USP47: variants seen among roughly 807,000 people sequenced by gnomAD.
USP47 encodes the protein ubiquitin carboxyl-terminal hydrolase 47.
USP47 carries 35 observed loss-of-function variants against 165.1 expected under a neutral mutation model. The ratio of observed to expected loss-of-function variants is 0.21; its 90% confidence interval spans 0.16 to 0.28. USP47 has a LOEUF of 0.28. Among genes scored for constraint, USP47 ranks in the 10% least tolerant of loss-of-function variants. The probability of loss-of-function intolerance (pLI) is 1.00; values close to 1 mark genes in which losing one functional copy is unlikely to be tolerated. For synonymous variants in USP47, 531 were observed against 544.5 expected (o/e 0.98, Z 0.35); for missense variants, 1,277 against 1,607.4 (o/e 0.79, Z 3.52).
At chr11:11,912,719 TA>T in intron 8 of USP47, among the ~76,000 whole-genome samples, 1 of 151,774 alleles carries the variant, frequency 6.6e-6, no homozygotes, top group East Asian at 1.9e-4. Flanking sequence ...AGACAGTTCT[TA>T]AAAAAAACAG....
intron 10 of USP47, among the ~76,000 whole-genome samples, 198 bp downstream of exon 10, chr11:11,920,692 T>G (rs1397833391): frequency 6.6e-6 from 1 of 151,870 alleles, no homozygotes; most frequent in Admixed American, 6.6e-5. Flanking sequence ...GCATAAATTA[T>G]ATTTTAAATA....
chr11:11,899,594 A>G (rs1017590609), intron 5 of USP47, among the ~76,000 whole-genome samples: 3 of 152,104 alleles, frequency 2.0e-5, no homozygotes, highest in Non-Finnish European at 4.4e-5. Context: ...CAGGTAGTAG[A>G]CAGTAAGGGC....
At chr11:11,949,417 T>A (rs1473308759) in intron 22 of USP47, among the ~76,000 whole-genome samples, 1 of 152,166 alleles carries the variant, frequency 6.6e-6, no homozygotes, top group Non-Finnish European at 1.5e-5. Context: ...AGATATTTTA[T>A]CTGGCATCTG....
intron 1 of USP47, among the ~76,000 whole-genome samples, chr11:11,857,373 A>G (rs1253023165): frequency 6.6e-6 from 1 of 152,194 alleles, no homozygotes; most frequent in Non-Finnish European, 1.5e-5. Context: ...AAAATTATAT[A>G]TTTAACAACC....
At chr11:11,938,208 C>A in intron 17 of USP47, 49 bp from the exon 18 acceptor site, 1 of 1,522,364 alleles carries the variant, frequency 6.6e-7, no homozygotes, top group Non-Finnish European at 9.1e-7. Context: ...ATGTGAAATA[C>A]ATTAAAAAAT....
Position 11,953,919 on chromosome 11 carries a change from C to T in USP47, c.3715-978C>T, listed in dbSNP as rs140204579. On this transcript the variant is annotated intron_variant, in intron 25 of 27. Transcript: ENST00000527733. ...CAGTTGGCATCATTTGTCAGTATTT[C>T]GGATTTGCAATTAAACATCTGGGAA... 5.8e-4 allele frequency among the ~76,000 whole-genome samples: 88 copies of T among 151,946 alleles called. 1 individual carries two copies. In the East Asian group the frequency reaches 0.015, roughly 26 times the overall value.
intron 21 of USP47, 74 bp downstream of exon 21, chr11:11,948,194 C>T (rs1855975001): frequency 1.4e-6 from 2 of 1,465,028 alleles, no homozygotes; most frequent in African/African-American, 1.4e-5. Flanking sequence ...TTACTACTTC[C>T]AAGTGAGGTG....
rs1420645877 is a variant in USP47 at position 11,942,501 on chromosome 11, G to A, written c.2480G>A (p.Gly827Asp). ...SKRTAYQKAGGDSGNVDDDCE... is the reference protein window; with the variant it reads ...SKRTAYQKAGDDSGNVDDDCE... ...AGGACAGCATACCAGAAAGCTGGAG[G>A]CGATTCTGGTAATGTGGATGATGAC... The change falls in exon 20 of 28, where the codon GGC becomes GAC. Residue 827 changes from glycine (G) to aspartate (D), a missense_variant. By Grantham distance (94) the Gly-to-Asp change is moderately conservative. Around this residue, in one of 4 missense-constraint regions of USP47, gnomAD observed 909 missense variants for 1,068.1 expected, o/e 0.85. Coordinates refer to ENST00000527733, the MANE Select transcript of USP47 (RefSeq NM_001282659.2). 2 of 1,613,460 alleles carry A rather than the reference G, an allele frequency of 1.2e-6. No individual in the cohort carries two copies. The highest frequency in any genetic ancestry group is 1.7e-6 in the Non-Finnish European group (2 of 1,179,726).
intron 2 of USP47, among the ~76,000 whole-genome samples, chr11:11,884,243 G>A (rs77387410): frequency 0.026 from 4,011 of 152,174 alleles, 186 homozygotes; most frequent in African/African-American, 0.09. Flanking sequence ...TAGTTTGTTA[G>A]ATGTTGGGGA....
chr11:11,889,498 CAAGG>C (rs1851376422), intron 3 of USP47, among the ~76,000 whole-genome samples: 1 of 151,990 alleles, frequency 6.6e-6, no homozygotes, highest in South Asian at 2.1e-4. Context: ...ATACAGCTAA[CAAGG>C]AAAGTGAAGG....
intron 8 of USP47, among the ~76,000 whole-genome samples, chr11:11,911,478 A>C (rs1852980200): frequency 6.6e-6 from 1 of 152,174 alleles, no homozygotes; most frequent in Non-Finnish European, 1.5e-5. Flanking sequence ...TCAGATAAAG[A>C]AGACTTTAGA....
At chr11:11,903,732 T>C (rs1229901591) in intron 7 of USP47, among the ~76,000 whole-genome samples, 1 of 152,230 alleles carries the variant, frequency 6.6e-6, no homozygotes, top group Non-Finnish European at 1.5e-5. Context: ...ATTACCTTTA[T>C]TTTGACCAAT....
chr11:11,871,114 T>C (rs1850008780), intron 1 of USP47, among the ~76,000 whole-genome samples: 1 of 152,158 alleles, frequency 6.6e-6, no homozygotes, highest in African/African-American at 2.4e-5. Flanking sequence ...ACCAGAGTAG[T>C]CTTTAGATTA....
chr11:11,946,916 A>G (rs1457317687), intron 20 of USP47, among the ~76,000 whole-genome samples: 2 of 152,214 alleles, frequency 1.3e-5, no homozygotes, highest in African/African-American at 2.4e-5. Flanking sequence ...TTGACAAGTC[A>G]TCTGAGAAAA....
chr11:11,904,115 C>T (rs920734768), intron 7 of USP47, among the ~76,000 whole-genome samples: 1 of 152,270 alleles, frequency 6.6e-6, no homozygotes, highest in Admixed American at 6.5e-5. Flanking sequence ...GAGAACATCA[C>T]ATAAGAGTAA....
intron 11 of USP47, among the ~76,000 whole-genome samples, chr11:11,928,617 C>T (rs1298651774): frequency 1.3e-5 from 2 of 152,044 alleles, no homozygotes; most frequent in Non-Finnish European, 2.9e-5. Flanking sequence ...TAACCTCCTT[C>T]TCTGTTTCTG....
At chr11:11,905,065 T>C (rs939155835) in intron 7 of USP47, among the ~76,000 whole-genome samples, 15 of 152,010 alleles carry the variant, frequency 9.9e-5, no homozygotes, top group African/African-American at 2.9e-4. Flanking sequence ...TGAGGCTTAA[T>C]TGGTAACTGA....
At chr11:11,850,325 TG>T (rs766184961) in intron 1 of USP47, among the ~76,000 whole-genome samples, 10 of 151,956 alleles carry the variant, frequency 6.6e-5, no homozygotes, top group Non-Finnish European at 1.5e-4. Flanking sequence ...CTTTGCTTTC[TG>T]GGAGATTTTT....
chr11:11,912,461 A>G (rs1034800209), intron 8 of USP47, among the ~76,000 whole-genome samples: 2 of 152,126 alleles, frequency 1.3e-5, no homozygotes, highest in African/African-American at 2.4e-5. Flanking sequence ...AAACGAACCA[A>G]TTCTTTGAAA....
Sources: gnomAD v4.1 joint callset for allele counts (sites outside exome capture counted in the v4.1 genomes callset) on GRCh38, gnomAD v4.1.1 for gene constraint, gnomAD v4.1.1 regional missense constraint, MANE v1.5 for transcripts, NCBI Gene and HGNC (gene_info 2026-07-23, HGNC 2026-07-21) for gene names.